LPP: variants seen among roughly 807,000 people sequenced by gnomAD.
The protein encoded by LPP is LIM domain containing preferred translocation partner in lipoma.
In LPP, 38 loss-of-function variants were observed where a neutral mutation model predicts 60.4. The observed-to-expected ratio is 0.63, with a 90% CI of 0.49 to 0.83. LPP has a LOEUF of 0.83. Among genes scored for constraint, LPP ranks in the 40% least tolerant of loss-of-function variants. The probability of loss-of-function intolerance (pLI) is 0.00; values close to 1 mark genes in which losing one functional copy is unlikely to be tolerated. For missense variants in LPP, 902 were observed against 783.6 expected, an observed-to-expected ratio of 1.15 and a Z score of -1.80; for synonymous variants, 328 against 290.8, an observed-to-expected ratio of 1.13 and a Z score of -1.30.
chr3:188,849,951 C>T (rs547496613), intron 9 of LPP, among the ~76,000 whole-genome samples: 8 of 152,266 alleles, frequency 5.3e-5, no homozygotes, highest in Admixed American at 2.0e-4. Context: ...CTATCCATAG[C>T]GGACATGTCT....
chr3:188,861,554 A>G (rs1765198842), intron 9 of LPP, among the ~76,000 whole-genome samples: 1 of 152,204 alleles, frequency 6.6e-6, no homozygotes, highest in African/African-American at 2.4e-5. Context: ...TGTAATATGT[A>G]AATAATGGTA....
chr3:188,569,525 TAAATA>T (rs1464675001), intron 6 of LPP, among the ~76,000 whole-genome samples: 3 of 152,020 alleles, frequency 2.0e-5, no homozygotes, highest in Non-Finnish European at 4.4e-5. Flanking sequence ...AAATTATAAT[TAAATA>T]AAAGATATGG....
chr3:188,825,293 G>C (rs1755155977), intron 9 of LPP, among the ~76,000 whole-genome samples: 3 of 150,690 alleles, frequency 2.0e-5, no homozygotes, highest in Non-Finnish European at 3.0e-5. Context: ...GTGTGTGTGT[G>C]TGTGTGTGTG....
At position 188,355,835 on chromosome 3, in the gene LPP, G is replaced by T. The variant is rs560302761; in HGVS notation, c.-10+14116G>T. Among the ~76,000 whole-genome samples the T allele has an allele frequency of 1.9e-4, 29 of 152,074 alleles. 1 individual carries two copies. Among genetic ancestry groups the T allele is most frequent in the Non-Finnish European group, 4.4e-5 (3 of 68,020 alleles). Reference sequence around the variant, plus strand: ...ATAATGTCTTTTGCTCAACACTCTCGTAGGCTCCTCACACTTTTTTCATGA... The same window carrying T: ...ATAATGTCTTTTGCTCAACACTCTCTTAGGCTCCTCACACTTTTTTCATGA... On this transcript the variant is annotated intron_variant, in intron 3 of 11. Transcript: ENST00000617246.
chr3:188,501,787 G>A (rs1811982655), intron 5 of LPP, among the ~76,000 whole-genome samples: 1 of 151,528 alleles, frequency 6.6e-6, no homozygotes, highest in Non-Finnish European at 1.5e-5. Flanking sequence ...CGTGGTGGTG[G>A]GCACCTGTAA....
chr3:188,821,847 C>T (rs1045970028), intron 9 of LPP, among the ~76,000 whole-genome samples: 11 of 151,906 alleles, frequency 7.2e-5, no homozygotes, highest in Non-Finnish European at 1.3e-4. Flanking sequence ...TTCTTCTATT[C>T]TTACATATTA....
At chr3:188,596,024 T>C (rs905663579) in intron 6 of LPP, among the ~76,000 whole-genome samples, 1 of 152,112 alleles carries the variant, frequency 6.6e-6, no homozygotes, top group Non-Finnish European at 1.5e-5. Flanking sequence ...CTACAGGATT[T>C]ATCTGGGCAT....
chr3:188,353,396 G>T (rs1366558263), intron 3 of LPP, among the ~76,000 whole-genome samples: 1 of 152,008 alleles, frequency 6.6e-6, no homozygotes, highest in Non-Finnish European at 1.5e-5. Context: ...GTGGAAAAAT[G>T]TTCTCACCGA....
At chr3:188,252,075 T>TATATAC (rs1233544060) in intron 2 of LPP, among the ~76,000 whole-genome samples, 2 of 58,494 alleles carry the variant, frequency 3.4e-5, no homozygotes, top group East Asian at 5.7e-4. Context: ...TATATATATA[T>TATATAC]ACACACACAC....
At chr3:188,250,794 C>CTT (rs1553835809) in intron 2 of LPP, among the ~76,000 whole-genome samples, 3,168 of 114,058 alleles carry the variant, frequency 0.028, 130 homozygotes, top group African/African-American at 0.081. Context: ...TTCTGTCTTT[C>CTT]TCTTTCTTTC....
At chr3:188,817,061 G>C (rs1268716617) in intron 9 of LPP, among the ~76,000 whole-genome samples, 1 of 152,138 alleles carries the variant, frequency 6.6e-6, no homozygotes, top group Admixed American at 6.5e-5. Flanking sequence ...AATTAAGATG[G>C]GAAAATTTGG....
At chr3:188,559,341 A>C (rs1296459136) in intron 6 of LPP, among the ~76,000 whole-genome samples, 1 of 152,088 alleles carries the variant, frequency 6.6e-6, no homozygotes, top group South Asian at 2.1e-4. Context: ...TAAATGTTCT[A>C]TCAGATATAT....
intron 8 of LPP, among the ~76,000 whole-genome samples, chr3:188,749,109 C>T (rs1268411955): frequency 2.0e-5 from 3 of 152,262 alleles, no homozygotes; most frequent in East Asian, 3.9e-4. Flanking sequence ...ATACAGAAGC[C>T]ATGTTGTAGA....
chr3:188,407,790 T>TTTTTTTG (rs1783974833), intron 4 of LPP, among the ~76,000 whole-genome samples: 1 of 76,322 alleles, frequency 1.3e-5, no homozygotes, highest in Non-Finnish European at 2.5e-5. Flanking sequence ...GTTTGTTTGT[T>TTTTTTTG]TTTTTTTTTT....
intron 1 of LPP, among the ~76,000 whole-genome samples, chr3:188,166,449 G>A (rs1265607065): frequency 6.6e-6 from 1 of 152,150 alleles, no homozygotes; most frequent in Non-Finnish European, 1.5e-5. Flanking sequence ...TGGTCAAAAT[G>A]GACCATCCAC....
intron 2 of LPP, among the ~76,000 whole-genome samples, chr3:188,232,616 A>C (rs1157253242): frequency 6.6e-6 from 1 of 151,686 alleles, no homozygotes; most frequent in East Asian, 1.9e-4. Context: ...GGCCTCCAAA[A>C]GTGCTGGGAT....
At chr3:188,291,093 A>G (rs1414403104) in intron 2 of LPP, among the ~76,000 whole-genome samples, 1 of 152,194 alleles carries the variant, frequency 6.6e-6, no homozygotes, top group Non-Finnish European at 1.5e-5. Context: ...GAATACACTG[A>G]ATGATACTTA....
At chr3:188,814,896 A>G (rs918834631) in intron 9 of LPP, among the ~76,000 whole-genome samples, 1 of 152,224 alleles carries the variant, frequency 6.6e-6, no homozygotes, top group Non-Finnish European at 1.5e-5. Flanking sequence ...TGAGCTGTGG[A>G]GATCTGGACA....
chr3:188,536,971 T>C (rs1176530902), intron 6 of LPP, among the ~76,000 whole-genome samples: 1 of 152,234 alleles, frequency 6.6e-6, no homozygotes, highest in African/African-American at 2.4e-5. Context: ...CACAGAGTTA[T>C]GTTTTATTTC....
Sources: gnomAD v4.1 joint callset for allele counts (sites outside exome capture counted in the v4.1 genomes callset) on GRCh38, gnomAD v4.1.1 for gene constraint, MANE v1.5 for transcripts, NCBI Gene and HGNC (gene_info 2026-07-23, HGNC 2026-07-21) for gene names.